Variants in COMMD1 observed in about 807,000 individuals in gnomAD.
The protein encoded by COMMD1 is copper metabolism domain containing 1, also known as COMM domain-containing protein 1.
A neutral mutation model predicts 17.2 loss-of-function variants in COMMD1; 10 were observed. That is an observed-to-expected ratio of 0.58 (90% CI 0.36 to 0.99). The LOEUF is 0.99. COMMD1 is among the 50% of genes least tolerant of loss of function. The probability of loss-of-function intolerance (pLI) is 0.01; values close to 1 mark genes in which losing one functional copy is unlikely to be tolerated. For synonymous variants in COMMD1, 97 were observed against 91.6 expected (o/e 1.06, Z -0.34); for missense variants, 270 against 231.8 (o/e 1.17, Z -1.07).
At chr2:62,122,593 C>G (rs1431552679) in intron 2 of COMMD1, among the ~76,000 whole-genome samples, 1 of 152,192 alleles carries the variant, frequency 6.6e-6, no homozygotes, top group Non-Finnish European at 1.5e-5. Flanking sequence ...CTTGGTTTAG[C>G]TGTACATAAT....
intron 1 of COMMD1, among the ~76,000 whole-genome samples, chr2:61,942,106 G>A (rs1670765095): frequency 6.6e-6 from 1 of 152,094 alleles, no homozygotes; most frequent in African/African-American, 2.4e-5. Context: ...ACATCCTCGT[G>A]TTTGTTTATT....
intron 1 of COMMD1, among the ~76,000 whole-genome samples, chr2:61,995,316 A>G (rs1573045412): frequency 6.6e-6 from 1 of 152,120 alleles, no homozygotes; most frequent in South Asian, 2.1e-4. Flanking sequence ...GTGGCCCCTC[A>G]TTACGTATAT....
intron 2 of COMMD1, among the ~76,000 whole-genome samples, chr2:62,105,787 C>T (rs1054409624): frequency 6.6e-6 from 1 of 150,996 alleles, no homozygotes; most frequent in Non-Finnish European, 1.5e-5. Flanking sequence ...TGTGCCACTG[C>T]ATTCCAGCTT....
intron 2 of COMMD1, among the ~76,000 whole-genome samples, chr2:62,095,633 A>G (rs1248278435): frequency 6.6e-6 from 1 of 151,228 alleles, no homozygotes; most frequent in East Asian, 2.0e-4. Context: ...TTAGTTTTAA[A>G]TGACAATAAT....
At chr2:62,054,599 A>T (rs538088616) in intron 2 of COMMD1, among the ~76,000 whole-genome samples, 1 of 152,354 alleles carries the variant, frequency 6.6e-6, no homozygotes, top group South Asian at 2.1e-4. Flanking sequence ...GAAACAAGCC[A>T]GGCACAGAAA....
At chr2:62,013,085 A>G (rs953276874) in intron 2 of COMMD1, among the ~76,000 whole-genome samples, 8 of 152,154 alleles carry the variant, frequency 5.3e-5, no homozygotes, top group African/African-American at 1.9e-4. Flanking sequence ...ATATTCTAAT[A>G]GGATTGCCTT....
chr2:62,103,002 G>C (rs112616120), intron 2 of COMMD1, among the ~76,000 whole-genome samples: 1 of 146,310 alleles, frequency 6.8e-6, no homozygotes, highest in Admixed American at 6.8e-5. Flanking sequence ...TTTTTGAGAC[G>C]GAGGCTCGCT....
intron 1 of COMMD1, among the ~76,000 whole-genome samples, chr2:61,896,610 T>C (rs1669553563): frequency 6.6e-6 from 1 of 152,062 alleles, no homozygotes; most frequent in Non-Finnish European, 1.5e-5. Flanking sequence ...ATCTTGTTAT[T>C]ACTCCTCTGC....
chr2:62,023,880 G>T (rs1290379341), intron 2 of COMMD1, among the ~76,000 whole-genome samples: 2 of 152,076 alleles, frequency 1.3e-5, no homozygotes, highest in Admixed American at 1.3e-4. Context: ...GAATACAATG[G>T]TTATATCTAC....
intron 2 of COMMD1, among the ~76,000 whole-genome samples, chr2:62,102,354 G>A (rs1382905810): frequency 6.6e-6 from 1 of 152,128 alleles, no homozygotes; most frequent in Non-Finnish European, 1.5e-5. Flanking sequence ...TCCTAGTACA[G>A]ATGCCATTTC....
At chr2:62,016,510 C>CT (rs762996597) in intron 2 of COMMD1, among the ~76,000 whole-genome samples, 589 of 132,084 alleles carry the variant, frequency 4.5e-3, no homozygotes, top group Middle Eastern at 0.013. Context: ...AACCCAGCCT[C>CT]TTTTTTTTTT....
At chr2:62,084,498 C>G (rs10184460) in intron 2 of COMMD1, among the ~76,000 whole-genome samples, 139 of 152,182 alleles carry the variant, frequency 9.1e-4, no homozygotes, top group African/African-American at 3.1e-3. Flanking sequence ...GAGGAAGAAG[C>G]GTTGATCTTG....
intron 2 of COMMD1, among the ~76,000 whole-genome samples, chr2:62,099,517 G>A (rs1049617089): frequency 8.6e-5 from 13 of 151,652 alleles, no homozygotes; most frequent in African/African-American, 2.9e-4. Flanking sequence ...GGTGCCCACT[G>A]GGGACCGCTC....
At chr2:62,081,014 C>T (rs1671500549) in intron 2 of COMMD1, among the ~76,000 whole-genome samples, 1 of 150,964 alleles carries the variant, frequency 6.6e-6, no homozygotes, top group African/African-American at 2.4e-5. Flanking sequence ...CTACTACAAA[C>T]CAGAAAAAAA....
intron 1 of COMMD1, among the ~76,000 whole-genome samples, chr2:61,948,058 T>C (rs1670957157): frequency 6.6e-6 from 1 of 152,106 alleles, no homozygotes; most frequent in Admixed American, 6.5e-5. Context: ...AAAATAAATG[T>C]CTGCATTATA....
At position 62,036,969 on chromosome 2, in the gene COMMD1, G is replaced by A. The variant is rs537271856; in HGVS notation, c.462+35987G>A. Among the ~76,000 whole-genome samples the A allele has an allele frequency of 5.3e-5, 8 of 152,286 alleles. No homozygotes were observed. In the East Asian group the frequency reaches 1.5e-3, roughly 29 times the overall value. ...TTATTGGGGTGATTGGGGACAATGA[G>A]TTTTTGTTGTACCTTGCATTCAAGT... is the stretch of plus-strand genomic sequence containing the variant. On this transcript the variant is annotated intron_variant, in intron 2 of 2. Transcript: ENST00000311832.
chr2:62,015,450 C>T (rs1175378853), intron 2 of COMMD1, among the ~76,000 whole-genome samples: 1 of 152,062 alleles, frequency 6.6e-6, no homozygotes, highest in Non-Finnish European at 1.5e-5. Flanking sequence ...TTGTTTCCAC[C>T]TTTTGGCTCT....
At chr2:62,028,116 G>C (rs1253892417) in intron 2 of COMMD1, among the ~76,000 whole-genome samples, 1 of 152,282 alleles carries the variant, frequency 6.6e-6, no homozygotes, top group East Asian at 1.9e-4. Flanking sequence ...AGGAAGAATA[G>C]AGTAGCAACT....
At chr2:62,132,139 G>A (rs577185456) in intron 2 of COMMD1, among the ~76,000 whole-genome samples, 1 of 145,638 alleles carries the variant, frequency 6.9e-6, no homozygotes, top group Admixed American at 6.8e-5. Context: ...TGCCCGCCTT[G>A]GCTTCCCAAA....
Sources: allele counts gnomAD v4.1 joint callset (sites outside exome capture counted in the v4.1 genomes callset), GRCh38; gene constraint gnomAD v4.1.1; transcripts MANE v1.5; gene names NCBI Gene and HGNC (gene_info 2026-07-23, HGNC 2026-07-21).